FAM83A: variants seen among roughly 807,000 people sequenced by gnomAD.
FAM83A encodes scaffolding CK1 anchoring protein A.
Under a neutral mutation model 24.4 loss-of-function variants are expected in FAM83A, and 21 were observed. The observed-to-expected ratio is 0.86, with a 90% confidence interval of 0.61 to 1.24. The LOEUF (loss-of-function observed/expected upper bound fraction) is 1.24, where lower values mean the gene tolerates loss of function less well. Among genes scored for constraint, FAM83A ranks in the 50% most tolerant of loss-of-function variants. The probability of loss-of-function intolerance (pLI) is 0.00; values close to 1 mark genes in which losing one functional copy is unlikely to be tolerated. For missense variants in FAM83A, 617 were observed against 579.8 expected, an observed-to-expected ratio of 1.06 and a Z score of -0.66; for synonymous variants, 270 against 252.4, an observed-to-expected ratio of 1.07 and a Z score of -0.66.
At chr8:123,206,457 C>T (rs1287582549) in intron 3 of FAM83A, among the ~76,000 whole-genome samples, 1 of 152,212 alleles carries the variant, frequency 6.6e-6, no homozygotes, top group Non-Finnish European at 1.5e-5. Context: ...GAGCAGCCGC[C>T]TTTTGCAGGG....
At chr8:123,186,712 C>G (rs1276460976) in intron 1 of FAM83A, among the ~76,000 whole-genome samples, 2 of 152,146 alleles carry the variant, frequency 1.3e-5, no homozygotes, top group Non-Finnish European at 2.9e-5. Context: ...TGTCTGTAAT[C>G]CCAGCTACTC....
At chr8:123,194,225 C>A in intron 3 of FAM83A, 77 bp downstream of exon 3, 2 of 1,576,170 alleles carry the variant, frequency 1.3e-6, no homozygotes, top group Non-Finnish European at 1.7e-6. Context: ...GCTCCCGCTG[C>A]TCAGACACAA....
At chr8:123,182,653 C>A (rs1162292527), upstream of FAM83A, 3 of 829,214 alleles carry the variant, frequency 3.6e-6, no homozygotes, top group Middle Eastern at 2.2e-4. Context: ...GCCAATCCCG[C>A]AGCTGCAGAT....
At chr8:123,203,928 GC>G (rs1254804282) in intron 3 of FAM83A, among the ~76,000 whole-genome samples, 1 of 146,032 alleles carries the variant, frequency 6.8e-6, no homozygotes, top group East Asian at 2.0e-4. Flanking sequence ...CTGCACTCCA[GC>G]CTGGGCAACA....
chr8:123,202,264 G>A (rs985593737), intron 3 of FAM83A: 3 of 152,798 alleles, frequency 2.0e-5, no homozygotes, highest in Non-Finnish European at 2.9e-5. Flanking sequence ...GAGCCACACT[G>A]GCCGCTTCCT....
upstream of FAM83A, chr8:123,182,638 G>A: frequency 1.3e-6 from 1 of 774,616 alleles, no homozygotes; most frequent in Non-Finnish European, 2.2e-6. Flanking sequence ...GGCCCTGAGA[G>A]ATAAGCCAAT....
exon 1 of FAM83A, chr8:123,182,992 G>A (rs1216220326): frequency 6.2e-7 from 1 of 1,612,332 alleles, no homozygotes; most frequent in Non-Finnish European, 8.5e-7. Context: ...CTTGGATGGG[G>A]GTTCTGAAGC....
chr8:123,208,137 C>G (rs1012868111), exon 4 of FAM83A: 13 of 996,140 alleles, frequency 1.3e-5, no homozygotes, highest in South Asian at 9.3e-5. Context: ...CCAAGAAATT[C>G]AGGAAAGAAA....
At chr8:123,182,542 C>A (rs761090130), upstream of FAM83A, 4 of 554,370 alleles carry the variant, frequency 7.2e-6, no homozygotes, top group African/African-American at 5.6e-5. Context: ...CCTCCCCCTG[C>A]GGCTGGGAGG....
chr8:123,194,250 TC>T (rs1675801073), intron 3 of FAM83A, 102 bp downstream of exon 3: 1 of 1,502,062 alleles, frequency 6.7e-7, no homozygotes, highest in Non-Finnish European at 9.0e-7. Context: ...CCCCAGCAGC[TC>T]CCAGAAGGTC....
chr8:123,196,030 G>T (rs1252786087), intron 3 of FAM83A, among the ~76,000 whole-genome samples: 1 of 152,064 alleles, frequency 6.6e-6, no homozygotes, highest in East Asian at 1.9e-4. Context: ...TTGTTTTTTT[G>T]AGACGGAGTC....
At chr8:123,189,837 G>A (rs775694756) in intron 1 of FAM83A, among the ~76,000 whole-genome samples, 16 of 152,106 alleles carry the variant, frequency 1.1e-4, no homozygotes, top group East Asian at 1.9e-4. Context: ...GGCACATGTC[G>A]TCAGGACTTC....
At chr8:123,207,895 G>A in exon 4 of FAM83A, 2 of 1,315,432 alleles carry the variant, frequency 1.5e-6, no homozygotes, top group Admixed American at 7.4e-5. Context: ...TTTGACCTGT[G>A]CAGCACATTC....
chr8:123,195,796 C>A (rs1824130160), intron 3 of FAM83A, among the ~76,000 whole-genome samples: 1 of 152,094 alleles, frequency 6.6e-6, no homozygotes, highest in Non-Finnish European at 1.5e-5. Context: ...TCTGCAAGGG[C>A]ACTAACCCCA....
At chr8:123,202,371 C>G (rs1002787637) in intron 3 of FAM83A, 1 of 153,272 alleles carries the variant, frequency 6.5e-6, no homozygotes, top group Non-Finnish European at 1.5e-5. Context: ...CTTGCTTACT[C>G]TTTATCTTGT....
exon 1 of FAM83A, chr8:123,183,066 C>T (rs1294036786): frequency 1.2e-6 from 2 of 1,613,314 alleles, no homozygotes; most frequent in East Asian, 2.2e-5. Flanking sequence ...AGGCCCAGTA[C>T]ATCCAGGCCC....
intron 1 of FAM83A, among the ~76,000 whole-genome samples, chr8:123,189,900 C>T (rs1823913895): frequency 6.6e-6 from 1 of 152,186 alleles, no homozygotes; most frequent in Non-Finnish European, 1.5e-5. Flanking sequence ...TAACTGAGCC[C>T]TGTTTTATTT....
rs377197124 is a variant in FAM83A, at chr8:123,209,456, C to A, written c.*1768C>A. 1 of 1,613,960 alleles carries A rather than the reference C, an allele frequency of 6.2e-7. No individual in the cohort carries two copies. The highest frequency in any genetic ancestry group is 8.5e-7 in the Non-Finnish European group (1 of 1,179,984). On this transcript the variant is annotated 3_prime_UTR_variant, in exon 4 of 4. Transcript: ENST00000690554. The surrounding 1 kb of genome is among the most constrained non-coding windows in gnomAD (Gnocchi z 4.7). ...GAAAGTAAACAAAACAAAACAAAAA[C>A]AAAAAAACAAACAACACTTTGGTTC...
intron 3 of FAM83A, among the ~76,000 whole-genome samples, chr8:123,196,131 C>T (rs766276817): frequency 1.8e-4 from 27 of 152,212 alleles, no homozygotes; most frequent in Non-Finnish European, 3.5e-4. Flanking sequence ...CCTGCCTCAG[C>T]CTCCCTTGTA....
Sources: allele counts gnomAD v4.1 joint callset (sites outside exome capture counted in the v4.1 genomes callset), GRCh38; gene constraint gnomAD v4.1.1; non-coding constraint Gnocchi (gnomAD v3.1); transcripts MANE v1.5; gene names NCBI Gene and HGNC (gene_info 2026-07-23, HGNC 2026-07-21).